The following ACSS1 variants were observed in gnomAD, a reference collection of about 807,000 sequenced individuals.
The protein encoded by ACSS1 is acetyl-coenzyme A synthetase 2-like, mitochondrial.
A neutral mutation model predicts 75.3 loss-of-function variants in ACSS1; 42 were observed. That is an observed-to-expected ratio of 0.56 (90% CI 0.44 to 0.72). The LOEUF (loss-of-function observed/expected upper bound fraction) is 0.72. Among genes scored for constraint, ACSS1 ranks in the 30% least tolerant of loss-of-function variants. The probability of loss-of-function intolerance (pLI) is 0.00; values close to 1 mark genes in which losing one functional copy is unlikely to be tolerated. For synonymous variants in ACSS1, 380 were observed against 376.8 expected (o/e 1.01, Z -0.10); for missense variants, 782 against 935.7 (o/e 0.84, Z 2.14).
chr20:25,043,163 C>CCACTCCTG (rs1323148050), intron 2 of ACSS1, among the ~76,000 whole-genome samples: 4 of 152,166 alleles, frequency 2.6e-5, no homozygotes, highest in African/African-American at 9.7e-5. Flanking sequence ...CACCAGTCCC[C>CCACTCCTG]CACTCCTGCC....
chr20:25,027,794 A>AG (rs2088749815), intron 3 of ACSS1, among the ~76,000 whole-genome samples: 2 of 151,776 alleles, frequency 1.3e-5, no homozygotes, highest in African/African-American at 2.4e-5. Flanking sequence ...AAAAAAAAAA[A>AG]AAAGAAATAA....
chr20:25,012,157 C>T, intron 12 of ACSS1: 1 of 221,798 alleles, frequency 4.5e-6, no homozygotes, highest in Non-Finnish European at 9.1e-6. Context: ...CAGCACACAG[C>T]CTGCACACTC....
At chr20:25,049,692 A>G (rs948383946) in intron 1 of ACSS1, among the ~76,000 whole-genome samples, 1 of 152,184 alleles carries the variant, frequency 6.6e-6, no homozygotes, top group African/African-American at 2.4e-5. Flanking sequence ...AAGAGCCTCC[A>G]CGGAGACAGC....
chr20:25,039,305 C>T (rs2088964707), intron 2 of ACSS1, among the ~76,000 whole-genome samples: 1 of 152,190 alleles, frequency 6.6e-6, no homozygotes, highest in African/African-American at 2.4e-5. Context: ...TCAGCCAGCT[C>T]CTCAGTATCA....
intron 1 of ACSS1, among the ~76,000 whole-genome samples, chr20:25,056,577 C>T (rs908662161): frequency 1.3e-5 from 2 of 152,154 alleles, no homozygotes; most frequent in Admixed American, 1.3e-4. Flanking sequence ...CACCAGTAAG[C>T]GCTGGGTCTG....
At chr20:25,013,020 C>T in intron 10 of ACSS1, 81 bp from the exon 11 acceptor site, 2 of 1,592,306 alleles carry the variant, frequency 1.3e-6, no homozygotes, top group Non-Finnish European at 1.7e-6. Context: ...TGAAGCTCTG[C>T]AGCCCAGCAC....
intron 2 of ACSS1, chr20:25,032,777 A>T: frequency 1.1e-6 from 1 of 898,012 alleles, no homozygotes; most frequent in Non-Finnish European, 1.4e-6. Flanking sequence ...TGTCCGCATC[A>T]CAGGCAGGGG....
At chr20:25,057,471 G>C (rs1187085985) in intron 1 of ACSS1, among the ~76,000 whole-genome samples, 1 of 152,226 alleles carries the variant, frequency 6.6e-6, no homozygotes, top group Non-Finnish European at 1.5e-5. Context: ...CAACTCTGGA[G>C]TCCGCCGAGC....
At chr20:25,019,283 G>A (rs1343340516) in intron 7 of ACSS1, among the ~76,000 whole-genome samples, 1 of 152,176 alleles carries the variant, frequency 6.6e-6, no homozygotes, top group Non-Finnish European at 1.5e-5. Context: ...GCACCAGCCC[G>A]AAAGACAGAC....
Position 25,013,577 on chromosome 20 carries a change from T to C in ACSS1, c.1538A>G (p.Asp513Gly). 6.2e-7 allele frequency: 1 copy of C among 1,606,928 alleles called. No homozygotes were observed. The highest frequency in any genetic ancestry group is 8.5e-7 in the Non-Finnish European group (1 of 1,174,480). The change falls in exon 10 of 14, where the codon GAC becomes GGC. Residue 513 changes from aspartate (D) to glycine (G), a missense_variant. Physicochemically the swap from Asp to Gly is moderately conservative, Grantham distance 94. Transcript: ENST00000323482. ...WPGMARTIYGDHQRFVDAYFK... is the reference protein window; with the variant it reads ...WPGMARTIYGGHQRFVDAYFK... ...GTAGGCGTCCACAAATCGCTGGTGG[T>C]CGCCATAGATGGTCCTGGCCATGCC...
At chr20:25,009,424 A>G (rs1453502328) in intron 12 of ACSS1, 36 bp from the exon 13 acceptor site, 3 of 1,565,458 alleles carry the variant, frequency 1.9e-6, no homozygotes, top group African/African-American at 1.4e-5. Flanking sequence ...TGTATTAAAT[A>G]CTAGACAAGG....
intron 2 of ACSS1, chr20:25,032,365 T>C: frequency 1.5e-6 from 2 of 1,354,438 alleles, no homozygotes; most frequent in South Asian, 3.8e-5. Flanking sequence ...AGCCGCCAAC[T>C]TGCCGGCCAT....
intron 2 of ACSS1, among the ~76,000 whole-genome samples, chr20:25,040,806 C>A (rs1012980195): frequency 2.0e-5 from 3 of 152,188 alleles, no homozygotes; most frequent in African/African-American, 4.8e-5. Flanking sequence ...ATCTTTGCAG[C>A]CACACCCCAG....
intron 3 of ACSS1, among the ~76,000 whole-genome samples, chr20:25,027,779 C>CAAAAA (rs78414153): frequency 5.3e-5 from 4 of 75,344 alleles, no homozygotes; most frequent in East Asian, 4.8e-4. Flanking sequence ...AGTGATCAGG[C>CAAAAA]AAAAAAAAAA....
intron 1 of ACSS1, among the ~76,000 whole-genome samples, chr20:25,054,316 G>A (rs542307815): frequency 2.6e-5 from 4 of 152,336 alleles, no homozygotes; most frequent in Admixed American, 6.5e-5. Context: ...CAGCACTGCC[G>A]AAGGCCAAGC....
At chr20:25,056,859 C>T (rs368185368) in intron 1 of ACSS1, among the ~76,000 whole-genome samples, 3 of 152,074 alleles carry the variant, frequency 2.0e-5, no homozygotes, top group Non-Finnish European at 4.4e-5. Flanking sequence ...CACACCCAGG[C>T]CCACCCTGCA....
intron 1 of ACSS1, among the ~76,000 whole-genome samples, chr20:25,049,608 G>A (rs1410872411): frequency 6.6e-6 from 1 of 152,206 alleles, no homozygotes; most frequent in Non-Finnish European, 1.5e-5. Context: ...ACAGGGCACT[G>A]GAGCTGAATT....
chr20:25,050,032 AG>A (rs2089154588), intron 1 of ACSS1, among the ~76,000 whole-genome samples: 1 of 152,196 alleles, frequency 6.6e-6, no homozygotes, highest in Non-Finnish European at 1.5e-5. Context: ...GGCAGGCGAC[AG>A]GAACATGTAA....
intron 11 of ACSS1, 41 bp downstream of exon 11, chr20:25,012,771 G>A (rs764801134): frequency 2.5e-6 from 4 of 1,613,042 alleles, no homozygotes; most frequent in African/African-American, 2.7e-5. Flanking sequence ...GGGGCATCAT[G>A]GAGGTGTAGG....
Sources: allele counts gnomAD v4.1 joint callset (sites outside exome capture counted in the v4.1 genomes callset), GRCh38; gene constraint gnomAD v4.1.1; transcripts MANE v1.5; gene names NCBI Gene and HGNC (gene_info 2026-07-23, HGNC 2026-07-21).